The following TERF2 variants were observed in gnomAD, a reference collection of about 807,000 sequenced individuals.
TERF2 encodes telomeric repeat-binding factor 2.
Under a neutral mutation model 56.1 loss-of-function variants are expected in TERF2, and 16 were observed. That is an observed-to-expected ratio of 0.29 (90% CI 0.19 to 0.43). The LOEUF (loss-of-function observed/expected upper bound fraction) is 0.43. TERF2 is among the 20% of genes least tolerant of loss of function. The pLI, the probability that TERF2 is intolerant of heterozygous loss-of-function variation, is 1.00. For missense variants in TERF2, 547 were observed against 712.9 expected, an observed-to-expected ratio of 0.77 and a Z score of 2.65; for synonymous variants, 296 against 282.1, an observed-to-expected ratio of 1.05 and a Z score of -0.50.
chr16:69,365,417 C>G (rs114594956), intron 7 of TERF2: 2,959 of 152,392 alleles, frequency 0.019, 93 homozygotes, highest in African/African-American at 0.067. Context: ...GACCACAGGT[C>G]CCCAAATAAT....
intron 3 of TERF2, among the ~76,000 whole-genome samples, chr16:69,372,797 T>C (rs1597252719): frequency 1.3e-5 from 2 of 152,228 alleles, no homozygotes; most frequent in East Asian, 3.9e-4. Context: ...TGTTCAAGTG[T>C]TATGAACCAC....
In TERF2 at chr16:69,385,911, C is replaced by G; in HGVS notation, c.61G>C (p.Ala21Pro). ...ASGPGVVRDP[A>P]ASQPRKRPGR... The stretch of plus-strand genomic sequence containing the variant: ...GGCCGCTTCCTCGGCTGTGACGCCG[C>G]TGGGTCACGCACGACGCCCGGGCCG... Residue 21 changes from alanine to proline, a missense_variant, in exon 1 of 10, where the codon GCG (alanine) becomes CCG (proline). Physicochemically the swap from Ala to Pro is conservative, Grantham distance 27. This residue lies in a region of TERF2 where 85 missense variants were observed against 59.5 expected (regional missense o/e 1.43). Transcript: ENST00000254942. The G allele has an allele frequency of 3.6e-6, 5 of 1,393,034 alleles. No homozygotes were observed. In the South Asian group the frequency reaches 7.5e-5, roughly 21 times the overall value. The allele number at this position is 1,393,034 out of a possible 1,614,324, so 86.3% of individuals were successfully genotyped here. A position where few individuals can be genotyped will look rare whatever the true frequency, so the allele number is the denominator to read the frequency against.
intron 3 of TERF2, among the ~76,000 whole-genome samples, chr16:69,373,861 C>G (rs1190614190): frequency 6.6e-6 from 1 of 151,878 alleles, no homozygotes; most frequent in African/African-American, 2.4e-5. Flanking sequence ...AAAATTGGTT[C>G]ACAGATATTT....
chr16:69,375,506 A>G (rs8053736), intron 3 of TERF2, among the ~76,000 whole-genome samples: 49,556 of 152,128 alleles, frequency 0.33, 9,229 homozygotes, highest in African/African-American at 0.5. Flanking sequence ...CAAGTCCAGC[A>G]TGGGCAACAG....
At chr16:69,368,563 C>A in intron 5 of TERF2, 81 bp from the exon 6 acceptor site, 1 of 1,578,444 alleles carries the variant, frequency 6.3e-7, no homozygotes, top group Non-Finnish European at 8.6e-7. Context: ...AGAATATACT[C>A]AATATGCAAA....
intron 8 of TERF2, among the ~76,000 whole-genome samples, chr16:69,357,841 G>A (rs1017684794): frequency 5.6e-5 from 8 of 143,960 alleles, no homozygotes; most frequent in African/African-American, 1.5e-4. Context: ...AATCAACATC[G>A]TTTTCTTTTT....
rs903950801 is a variant in TERF2 at position 69,372,440 on chromosome 16, C to T, written c.607-85G>A. ...CAAACATCAAAATAACTCTCTCTCA[C>T]ATCATATCAAATTTCTGTACTTAAA... On this transcript the variant is annotated intron_variant, in intron 3 of 9. Transcript: ENST00000254942. The T allele has an allele frequency of 3.4e-6, 3 of 890,876 alleles. No homozygotes were observed. The African/African-American group carries it at 5.1e-5, about 15-fold the overall frequency. 55.2% of individuals were successfully genotyped at this position (890,876 alleles called of 1,614,324 possible).
intron 3 of TERF2, among the ~76,000 whole-genome samples, chr16:69,379,712 AT>A (rs1283579845): frequency 1.3e-5 from 2 of 152,242 alleles, no homozygotes; most frequent in African/African-American, 4.8e-5. Flanking sequence ...TCATTAGAAA[AT>A]AACAATAAAC....
chr16:69,378,352 A>G (rs980372804), intron 3 of TERF2, among the ~76,000 whole-genome samples: 1 of 152,186 alleles, frequency 6.6e-6, no homozygotes, highest in Non-Finnish European at 1.5e-5. Flanking sequence ...TGGTGAGAAA[A>G]AGAGTTCTCC....
chr16:69,369,500 T>C (rs147911285), intron 5 of TERF2, among the ~76,000 whole-genome samples: 2,976 of 152,264 alleles, frequency 0.02, 94 homozygotes, highest in African/African-American at 0.067. Flanking sequence ...GGTTTCACCA[T>C]GTTGCCCAGG....
chr16:69,366,697 C>T, intron 7 of TERF2, 110 bp downstream of exon 7: 1 of 1,381,994 alleles, frequency 7.2e-7, no homozygotes, highest in Non-Finnish European at 9.7e-7. Flanking sequence ...TCTGAGCAAG[C>T]CTTGGTGGTG....
intron 8 of TERF2, among the ~76,000 whole-genome samples, chr16:69,360,055 G>A (rs111625081): frequency 0.024 from 3,575 of 151,424 alleles, 76 homozygotes; most frequent in Admixed American, 0.036. Context: ...GAGCCACTAC[G>A]CCCAGCCTAG....
In TERF2 at chr16:69,373,171, A is replaced by AC. The variant is rs555433310; in HGVS notation, c.607-817dup. On this transcript the variant is annotated intron_variant, in intron 3 of 9. Transcript: ENST00000254942. ...GAGAATGAAGGGACAACCCCTTACT[A>AC]CCATAAACCCCAGCTGGCAACTTCA... is the stretch of plus-strand genomic sequence containing the variant. 1.3e-4 allele frequency among the ~76,000 whole-genome samples: 20 copies of AC among 152,308 alleles called. No homozygotes were observed. In the South Asian group the frequency reaches 3.7e-3, roughly 28 times the overall value.
chr16:69,366,595 T>C, intron 7 of TERF2: 1 of 574,584 alleles, frequency 1.7e-6, no homozygotes, highest in Non-Finnish European at 3.0e-6. Context: ...ACTCATGCCC[T>C]AGTGCAAGGC....
intron 4 of TERF2, 103 bp from the exon 5 acceptor site, chr16:69,370,732 T>G (rs2013538203): frequency 3.6e-6 from 4 of 1,126,326 alleles, no homozygotes; most frequent in Non-Finnish European, 5.0e-6. Context: ...TGCAATGCCG[T>G]CAATGCAAAT....
Position 69,367,173 on chromosome 16 carries a change from ATGG to A in TERF2, c.971_973del (p.Thr324del). 6.2e-7 allele frequency: 1 copy of A among 1,612,656 alleles called. No homozygotes were observed. The highest frequency in any genetic ancestry group is 8.5e-7 in the Non-Finnish European group (1 of 1,178,832). The stretch of plus-strand genomic sequence containing the variant: ...AGCTGCTTTCAGAGTCATCATTCCA[ATGG>A]TGGTTGGAGGATTCCGTAGCTGCCT... On this transcript the variant is annotated inframe_deletion, in exon 7 of 10. Transcript: ENST00000254942.
chr16:69,385,875 C>A lies in TERF2; in HGVS notation c.97G>T (p.Gly33Cys), dbSNP rs1482347193. 3 of 1,371,878 alleles carry A rather than the reference C, an allele frequency of 2.2e-6. No individual in the cohort carries two copies. Among genetic ancestry groups the A allele is most frequent in the South Asian group, 3.3e-5 (2 of 60,326 alleles). The allele number at this position is 1,371,878 out of a possible 1,614,324, so 85.0% of individuals were successfully genotyped here. The change falls in exon 1 of 10, where the codon GGC becomes TGC. Residue 33 changes from glycine (G) to cysteine (C), a missense_variant. Physicochemically the swap from Gly to Cys is radical, Grantham distance 159 (BLOSUM62 -3). This residue lies in a region of TERF2 where 85 missense variants were observed against 59.5 expected (regional missense o/e 1.43). Coordinates refer to ENST00000254942, the MANE Select transcript of TERF2 (RefSeq NM_005652.5). Reference sequence around the variant, plus strand: ...TCCGATCGCCGCGCGCCCTCCCCGCCCTCCCGGCCGGGCCGCTTCCTCGGC... The same window carrying A: ...TCCGATCGCCGCGCGCCCTCCCCGCACTCCCGGCCGGGCCGCTTCCTCGGC... ...SQPRKRPGRE[G>C]GEGARRSDTM...
Position 69,356,806 on chromosome 16 carries a change from AAAAAAAAAAG to A in TERF2, c.*82_*91del. The A allele has an allele frequency of 7.0e-7, 1 of 1,434,946 alleles. No homozygotes were observed. Among genetic ancestry groups the A allele is most frequent in the Non-Finnish European group, 9.3e-7 (1 of 1,079,920 alleles). 88.9% of individuals were successfully genotyped at this position (1,434,946 alleles called of 1,614,324 possible). A position where few individuals can be genotyped will look rare whatever the true frequency, so the allele number is the denominator to read the frequency against. On this transcript the variant is annotated 3_prime_UTR_variant, in exon 10 of 10. Transcript: ENST00000254942. ...CAGAGCGAGACTCTGTCTCAAAAAA[AAAAAAAAAAG>A]AAAAAGAAAGAAAGAGCAGACTATC...
chr16:69,367,254 A>T, intron 6 of TERF2, 55 bp from the exon 7 acceptor site: 1 of 1,523,046 alleles, frequency 6.6e-7, no homozygotes, highest in Non-Finnish European at 8.8e-7. Context: ...ATGCTCATCC[A>T]AACAGCCACA....
Sources: allele counts gnomAD v4.1 joint callset (sites outside exome capture counted in the v4.1 genomes callset), GRCh38; gene constraint gnomAD v4.1.1; regional missense constraint gnomAD v4.1.1; transcripts MANE v1.5; gene names NCBI Gene and HGNC (gene_info 2026-07-23, HGNC 2026-07-21).